Variants in LY6D observed in about 807,000 individuals in gnomAD.
LY6D encodes the protein lymphocyte antigen 6 family member D.
A neutral mutation model predicts 5.6 loss-of-function variants in LY6D; 7 were observed. The ratio of observed to expected loss-of-function variants is 1.24; its 90% CI spans 0.71 to 2.34. The LOEUF (loss-of-function observed/expected upper bound fraction) is 2.34. LY6D is among the 30% of genes most tolerant of loss of function. LY6D has a pLI of 0.00. For missense variants in LY6D, 148 were observed against 164.8 expected (o/e 0.90, Z 0.56); for synonymous variants, 81 against 75.0 (o/e 1.08, Z -0.41).
Position 142,785,018 on chromosome 8 carries a change from G to A in LY6D, c.*203C>T. 1 of 574,986 alleles carries A rather than the reference G, an allele frequency of 1.7e-6. No individual in the cohort carries two copies. Among genetic ancestry groups the A allele is most frequent in the South Asian group, 2.3e-5 (1 of 43,036 alleles). 35.6% of individuals were successfully genotyped at this position (574,986 alleles called of 1,614,324 possible). A position where few individuals can be genotyped will look rare whatever the true frequency, so the allele number is the denominator to read the frequency against. ...CATGCAGCTGGGGGCTGCATCCTCT[G>A]TGGGGTGGCTTCATCCTCTGTGGGG... On this transcript the variant is annotated 3_prime_UTR_variant, in exon 3 of 3. Coordinates refer to ENST00000301263, the MANE Select transcript of LY6D (RefSeq NM_003695.3).
chr8:142,785,790 C>G (rs1651026480), intron 1 of LY6D, 103 bp from the exon 2 acceptor site: 1 of 1,515,584 alleles, frequency 6.6e-7, no homozygotes, highest in African/African-American at 1.4e-5. Context: ...GACAGAGGCC[C>G]TGCTGCCCTT....
chr8:142,785,198 AG>A lies in LY6D; in HGVS notation c.*22del. The A allele has an allele frequency of 1.3e-6, 2 of 1,550,742 alleles. No individual in the cohort carries two copies. The highest frequency in any genetic ancestry group is 1.1e-5 in the South Asian group (1 of 88,554). Reference sequence around the variant, plus strand: ...CCAGAGAAAGGGAAGGAAAGGCATGAGGGGCCTTCCCTGGGGGGAAGGTCAC... The same window carrying A: ...CCAGAGAAAGGGAAGGAAAGGCATGAGGGCCTTCCCTGGGGGGAAGGTCAC... On this transcript the variant is annotated 3_prime_UTR_variant, in exon 3 of 3. Coordinates refer to ENST00000301263, the MANE Select transcript of LY6D (RefSeq NM_003695.3).
chr8:142,785,393 G>T lies in LY6D; in HGVS notation c.215C>A (p.Thr72Asn), dbSNP rs1041149493. The T allele has an allele frequency of 1.2e-6, 2 of 1,613,514 alleles. No individual in the cohort carries two copies. Among genetic ancestry groups the T allele is most frequent in the African/African-American group, 1.3e-5 (1 of 74,902 alleles). ...GCCGCTGCTGACCTGGCCTTGCAGG[G>T]TGTAGCTGGGTGTGCACGACTCCGC... ...DCAESCTPSY[T>N]LQGQVSSGTS... The change falls in exon 3 of 3, where the codon ACC (threonine) becomes AAC (asparagine). Residue 72 changes from threonine (T) to asparagine (N), a missense_variant. Transcript: ENST00000301263.
At chr8:142,786,125 T>C in intron 1 of LY6D, 1 of 1,235,042 alleles carries the variant, frequency 8.1e-7, no homozygotes, top group Non-Finnish European at 1.0e-6. Context: ...CTTTGGGCTG[T>C]CCTGGGCTGT....
chr8:142,786,176 G>T, intron 1 of LY6D: 2 of 1,277,936 alleles, frequency 1.6e-6, no homozygotes, highest in Non-Finnish European at 2.0e-6. Context: ...TGGTGGCAGG[G>T]ACTAGATGGC....
chr8:142,786,537 A>C lies in LY6D; in HGVS notation c.-21T>G. 6.6e-7 allele frequency: 1 copy of C among 1,514,100 alleles called. No homozygotes were observed. The highest frequency in any genetic ancestry group is 8.9e-7 in the Non-Finnish European group (1 of 1,117,478). 93.8% of individuals were successfully genotyped at this position (1,514,100 alleles called of 1,614,324 possible). A position where few individuals can be genotyped will look rare whatever the true frequency, so the allele number is the denominator to read the frequency against. On this transcript the variant is annotated 5_prime_UTR_variant, in exon 1 of 3. Transcript: ENST00000301263. ...CTCATCTCTGATGTCGTCTGGGAGC[A>C]GTGCGGGCCCCTGCATTGCCAAGGC...
intron 2 of LY6D, 65 bp from the exon 3 acceptor site, chr8:142,785,521 C>A: frequency 6.2e-7 from 1 of 1,601,724 alleles, no homozygotes; most frequent in Non-Finnish European, 8.5e-7. Context: ...CCACAACCTT[C>A]CAGCCAACAC....
Position 142,785,450 on chromosome 8 carries a change from G to A in LY6D, c.158C>T (p.Pro53Leu), listed in dbSNP as rs1175152511. ...RFCKTTNTVE[P>L]LRGNLVKKDC... The stretch of plus-strand genomic sequence containing the variant: ...CTTCTTCACCAGATTCCCCCTCAGA[G>A]GCTCCACTGGGCACAGGTGAGTGTG... The change falls in exon 3 of 3, where the codon CCT (proline) becomes CTT (leucine). Residue 53 changes from proline (P) to leucine (L), a missense_variant. By Grantham distance (98) the Pro-to-Leu change is moderately conservative. Transcript: ENST00000301263. The A allele has an allele frequency of 6.2e-7, 1 of 1,611,456 alleles. No homozygotes were observed. Among genetic ancestry groups the A allele is most frequent in the East Asian group, 2.2e-5 (1 of 44,840 alleles).
At position 142,785,161 on chromosome 8, in the gene LY6D, G is replaced by A; in HGVS notation, c.*60C>T. 2.9e-6 allele frequency: 4 copies of A among 1,357,820 alleles called. No individual in the cohort carries two copies. The highest frequency in any genetic ancestry group is 4.1e-6 in the Non-Finnish European group (4 of 979,806). The allele number at this position is 1,357,820 out of a possible 1,614,324, so 84.1% of individuals were successfully genotyped here. On this transcript the variant is annotated 3_prime_UTR_variant, in exon 3 of 3. Transcript: ENST00000301263. Reference sequence around the variant, plus strand: ...ACCCCCGTTGCGGCTGGGGAAGAGAGGTGTGGAATCCCCAGAGAAAGGGAA... The same window carrying A: ...ACCCCCGTTGCGGCTGGGGAAGAGAAGTGTGGAATCCCCAGAGAAAGGGAA...
intron 2 of LY6D, 35 bp downstream of exon 2, chr8:142,785,554 C>G (rs780274381): frequency 6.2e-7 from 1 of 1,608,278 alleles, no homozygotes; most frequent in South Asian, 1.1e-5. Flanking sequence ...GGGATGTCCC[C>G]CAGCCCCAGG....
At chr8:142,786,398 C>G in intron 1 of LY6D, 67 bp downstream of exon 1, 4 of 1,501,434 alleles carry the variant, frequency 2.7e-6, no homozygotes, top group Non-Finnish European at 3.6e-6. Flanking sequence ...GCTCCAGGCT[C>G]CTAGTATTTG....
In LY6D at chr8:142,785,582, T is replaced by A. The variant is rs1360471236; in HGVS notation, c.151+7A>T. The stretch of plus-strand genomic sequence containing the variant: ...GCCCCAGGGACACCTGGACAGATGC[T>A]ACCCACCTGTGTTCGTGGTCTTGCA... On this transcript the variant is annotated splice_region_variant and intron_variant, in intron 2 of 2. Transcript: ENST00000301263. 4.3e-6 allele frequency: 7 copies of A among 1,613,296 alleles called. No individual in the cohort carries two copies. The East Asian group carries it at 1.6e-4, about 36-fold the overall frequency.
At chr8:142,786,348 C>T in intron 1 of LY6D, 117 bp downstream of exon 1, 1 of 1,429,024 alleles carries the variant, frequency 7.0e-7, no homozygotes. Context: ...AAGAGTCTAG[C>T]ACCCACAGTG....
rs577326119 is a variant in LY6D, at chr8:142,786,156, C to T, written c.52+309G>A. 6.6e-4 allele frequency: 819 copies of T among 1,242,142 alleles called. 10 individuals carry two copies. The South Asian group carries it at 0.018, about 27-fold the overall frequency. 76.9% of individuals were successfully genotyped at this position (1,242,142 alleles called of 1,614,324 possible). On this transcript the variant is annotated intron_variant, in intron 1 of 2. Transcript: ENST00000301263. Reference sequence around the variant, plus strand: ...GCTGTGCTGGGGGAGACCTGGGGACCGGGAGGGGCTGGTGGCAGGGACTAG... The same window carrying T: ...GCTGTGCTGGGGGAGACCTGGGGACTGGGAGGGGCTGGTGGCAGGGACTAG...
At chr8:142,785,739 C>T (rs1206745199) in intron 1 of LY6D, 52 bp from the exon 2 acceptor site, 1 of 1,604,362 alleles carries the variant, frequency 6.2e-7, no homozygotes, top group Non-Finnish European at 8.5e-7. Context: ...CTCCTGGTGA[C>T]TCAGCAGGGC....
At position 142,786,437 on chromosome 8, in the gene LY6D, C is replaced by A. The variant is rs1409974425; in HGVS notation, c.52+28G>T. ...ACCACACAGGCCACAGCCGCCCACC[C>A]GCCCGTCCCCTTGGCCCAGCCCCTC... On this transcript the variant is annotated intron_variant, in intron 1 of 2. Transcript: ENST00000301263. 3.3e-6 allele frequency: 5 copies of A among 1,524,430 alleles called. No homozygotes were observed. In the South Asian group the frequency reaches 4.9e-5, roughly 15 times the overall value. 94.4% of individuals were successfully genotyped at this position (1,524,430 alleles called of 1,614,324 possible). A position where few individuals can be genotyped will look rare whatever the true frequency, so the allele number is the denominator to read the frequency against.
chr8:142,786,021 G>C, intron 1 of LY6D: 1 of 1,235,180 alleles, frequency 8.1e-7, no homozygotes, highest in Non-Finnish European at 1.0e-6. Flanking sequence ...GTCCCTGGAG[G>C]AGATGGCTAT....
In LY6D at chr8:142,785,629, G is replaced by T; in HGVS notation, c.111C>A (p.Val37=). 1 of 1,613,702 alleles carries T rather than the reference G, an allele frequency of 6.2e-7. No individual in the cohort carries two copies. The highest frequency in any genetic ancestry group is 1.1e-5 in the South Asian group (1 of 91,060). Residue 37 remains valine (V), a synonymous_variant, in exon 2 of 3, where the codon GTC becomes GTA. Coordinates refer to ENST00000301263, the MANE Select transcript of LY6D (RefSeq NM_003695.3). ...TGCAGAAGCGAGAGCTGGCCGGGCAGACCACAGAATGCTTGCAGTTGCTGG... is the reference window on the plus strand; with the variant it reads ...TGCAGAAGCGAGAGCTGGCCGGGCATACCACAGAATGCTTGCAGTTGCTGG... ...TSSSNCKHSV[V]CPASSRFCKT...
intron 1 of LY6D, chr8:142,786,037 T>C: frequency 1.7e-6 from 2 of 1,205,732 alleles, no homozygotes; most frequent in Non-Finnish European, 2.1e-6. Context: ...GCTATGTTTC[T>C]GAGGGCCTGA....
Sources: gnomAD v4.1 joint callset for allele counts on GRCh38, gnomAD v4.1.1 for gene constraint, MANE v1.5 for transcripts, NCBI Gene and HGNC (gene_info 2026-07-23, HGNC 2026-07-21) for gene names.